The following RBFOX1 variants were observed in gnomAD, a reference collection of about 807,000 sequenced individuals.
The protein encoded by RBFOX1 is RNA binding protein fox-1 homolog 1.
Under a neutral mutation model 57.7 loss-of-function variants are expected in RBFOX1, and 8 were observed. That is an observed-to-expected ratio of 0.14 (90% confidence interval 0.08 to 0.25). The LOEUF (loss-of-function observed/expected upper bound fraction) is 0.25, where lower values mean the gene tolerates loss of function less well. RBFOX1 is among the 10% of genes least tolerant of loss of function. The probability of loss-of-function intolerance (pLI) is 1.00; values close to 1 mark genes in which losing one functional copy is unlikely to be tolerated. For synonymous variants in RBFOX1, 326 were observed against 222.4 expected (o/e 1.47, Z -4.15); for missense variants, 611 against 548.5 (o/e 1.11, Z -1.14).
chr16:6,126,179 A>G (rs575422781), intron 1 of RBFOX1, among the ~76,000 whole-genome samples: 2 of 152,200 alleles, frequency 1.3e-5, no homozygotes, highest in African/African-American at 2.4e-5. Context: ...AATGTAATGG[A>G]GAATTACACC....
At chr16:6,610,401 C>G (rs985837469) in intron 2 of RBFOX1, among the ~76,000 whole-genome samples, 12 of 152,086 alleles carry the variant, frequency 7.9e-5, no homozygotes, top group African/African-American at 2.9e-4. Flanking sequence ...AATCATGGCT[C>G]ACTGCAGCAT....
chr16:5,993,391 G>C lies in RBFOX1; in HGVS notation c.351+126056G>C, dbSNP rs12933248. Reference sequence around the variant, plus strand: ...TGTGTGTGTGTGTGTGTGTGAGAGAGAGAGAGACAGAGAGAGAGAGAGAGA... The same window carrying C: ...TGTGTGTGTGTGTGTGTGTGAGAGACAGAGAGACAGAGAGAGAGAGAGAGA... On this transcript the variant is annotated intron_variant, in intron 4 of 19. Coordinates refer to the RBFOX1 transcript ENST00000641259. 3.9e-3 allele frequency among the ~76,000 whole-genome samples: 526 copies of C among 133,898 alleles called. 5 individuals carry two copies. Among genetic ancestry groups the C allele is most frequent in the African/African-American group, 0.013 (497 of 38,312 alleles). The allele number at this position is 133,898 out of a possible 152,430, so 87.8% of individuals were successfully genotyped here. A position where few individuals can be genotyped will look rare whatever the true frequency, so the allele number is the denominator to read the frequency against.
rs143262837 is a variant in RBFOX1, at chr16:5,613,318, C to A, written c.318+14357C>A. On this transcript the variant is annotated intron_variant, in intron 3 of 19. Coordinates refer to the RBFOX1 transcript ENST00000641259. ...GCATTTGCACAGTTGAGGGTGGGTTCCCCAATATAAGCCTACCAGGTTCTT... is the reference window on the plus strand; with the variant it reads ...GCATTTGCACAGTTGAGGGTGGGTTACCCAATATAAGCCTACCAGGTTCTT... Among the ~76,000 whole-genome samples the A allele has an allele frequency of 5.5e-3, 834 of 152,270 alleles. 4 individuals carry two copies. Among genetic ancestry groups the A allele is most frequent in the Non-Finnish European group, 7.5e-3 (510 of 68,020 alleles).
rs144023705 is a variant in RBFOX1, at chr16:7,409,113, C to G, written c.28-109034C>G. ...GATAACCCTGAGCTGCGCTGTCGCT[C>G]TAAGCCAGATCAGCAGAATCCGGCC... On this transcript the variant is annotated intron_variant, in intron 4 of 15. Transcript: ENST00000550418. Among the ~76,000 whole-genome samples, 812 of 152,314 alleles carry G rather than the reference C, an allele frequency of 5.3e-3. 5 individuals are homozygous for G. The highest frequency in any genetic ancestry group is 0.018 in the African/African-American group (766 of 41,560).
intron 1 of RBFOX1, among the ~76,000 whole-genome samples, chr16:5,357,917 A>G (rs1042900777): frequency 2.6e-5 from 4 of 152,366 alleles, no homozygotes; most frequent in African/African-American, 9.6e-5. Context: ...ACGATTAGGA[A>G]TACTAATAGT....
intron 3 of RBFOX1, among the ~76,000 whole-genome samples, chr16:7,010,256 A>G (rs527687453): frequency 1.4e-4 from 21 of 152,342 alleles, no homozygotes; most frequent in Admixed American, 3.9e-4. Context: ...CTAAATGGCA[A>G]ATTCTCCAGG....
intron 9 of RBFOX1, among the ~76,000 whole-genome samples, chr16:7,602,282 C>G (rs2095065392): frequency 6.6e-6 from 1 of 152,172 alleles, no homozygotes; most frequent in Non-Finnish European, 1.5e-5. Flanking sequence ...GATGTGGCCC[C>G]TTGAGTCCTG....
chr16:6,342,392 G>T (rs1567975362), intron 2 of RBFOX1, among the ~76,000 whole-genome samples: 1 of 152,136 alleles, frequency 6.6e-6, no homozygotes, highest in Non-Finnish European at 1.5e-5. Context: ...CCCATGTTTT[G>T]CCATGGCAAT....
chr16:6,350,152 G>A (rs1475541776), intron 2 of RBFOX1, among the ~76,000 whole-genome samples: 2 of 151,876 alleles, frequency 1.3e-5, no homozygotes, highest in Middle Eastern at 3.2e-3. Context: ...TGAAGAAATC[G>A]TAAAAAATAC....
chr16:6,118,253 T>C (rs965633403), intron 1 of RBFOX1, among the ~76,000 whole-genome samples: 4 of 152,246 alleles, frequency 2.6e-5, no homozygotes, highest in African/African-American at 7.2e-5. Flanking sequence ...CAATCCATTA[T>C]TCCACATTGT....
At chr16:7,481,074 A>G (rs1019501805) in intron 4 of RBFOX1, among the ~76,000 whole-genome samples, 1 of 151,992 alleles carries the variant, frequency 6.6e-6, no homozygotes, top group Non-Finnish European at 1.5e-5. Context: ...AGCTCTTCCT[A>G]TTGCTCCTTA....
In RBFOX1 at chr16:6,019,170, C is replaced by T. The variant is rs1246276263; in HGVS notation, c.-949C>T. The T allele has an allele frequency of 4.1e-6, 4 of 985,260 alleles. No homozygotes were observed. Among genetic ancestry groups the T allele is most frequent in the South Asian group, 4.7e-5 (1 of 21,258 alleles). 61.0% of individuals were successfully genotyped at this position (985,260 alleles called of 1,614,324 possible). On this transcript the variant is annotated 5_prime_UTR_variant, in exon 1 of 16. Transcript: ENST00000550418. The surrounding 1 kb of genome is among the most constrained non-coding windows in gnomAD (Gnocchi z 4.2). ...GTTTATTTTCTAATCTATATTTTTA[C>T]TGGAAGATTTCCTCTTTATTCTCTC...
intron 4 of RBFOX1, among the ~76,000 whole-genome samples, chr16:7,473,484 T>G (rs2061983987): frequency 1.3e-5 from 2 of 148,240 alleles, no homozygotes; most frequent in African/African-American, 2.5e-5. Context: ...AATATATATG[T>G]ATATATGTTT....
At chr16:6,228,732 G>T (rs146402478) in intron 1 of RBFOX1, among the ~76,000 whole-genome samples, 2 of 152,188 alleles carry the variant, frequency 1.3e-5, no homozygotes, top group Non-Finnish European at 1.5e-5. Context: ...GAGATCTATT[G>T]TACAATATGG....
intron 2 of RBFOX1, among the ~76,000 whole-genome samples, chr16:5,549,700 A>G (rs1428818253): frequency 6.6e-6 from 1 of 152,208 alleles, no homozygotes; most frequent in Non-Finnish European, 1.5e-5. Flanking sequence ...AAATCATAGC[A>G]TGGTTTTACA....
At position 5,405,351 on chromosome 16, in the gene RBFOX1, A is replaced by T. The variant is rs147463157; in HGVS notation, c.220-61865A>T. On this transcript the variant is annotated intron_variant, in intron 1 of 2. Transcript: ENST00000585867. ...ACTGGGTCTTTCTCATGCTGTTCTC[A>T]TGATAGTAAGTCTCATGTGATCCGA... 1.5e-3 allele frequency among the ~76,000 whole-genome samples: 221 copies of T among 152,330 alleles called. 3 individuals are homozygous for T. The highest frequency in any genetic ancestry group is 4.9e-3 in the African/African-American group (205 of 41,566).
intron 4 of RBFOX1, among the ~76,000 whole-genome samples, chr16:6,005,060 G>A (rs921552252): frequency 1.3e-5 from 2 of 152,160 alleles, no homozygotes; most frequent in African/African-American, 4.8e-5. Flanking sequence ...TAATGGGAGT[G>A]TAAATATTTC....
chr16:6,684,714 T>C (rs1006363810), intron 3 of RBFOX1, among the ~76,000 whole-genome samples: 5 of 152,176 alleles, frequency 3.3e-5, no homozygotes, highest in African/African-American at 1.2e-4. Context: ...CCTTAAATTG[T>C]GCATGAGGGC....
In RBFOX1 at chr16:7,128,368, G is replaced by A. The variant is rs573648155; in HGVS notation, c.27+76270G>A. On this transcript the variant is annotated intron_variant, in intron 4 of 15. Coordinates refer to ENST00000550418, the MANE Select transcript of RBFOX1 (RefSeq NM_018723.4). ...AGTTCTGTCACTTAGCTATTGCTGT[G>A]TAATGAGCTAGTCCAAAGCCTAGTG... 3.7e-3 allele frequency among the ~76,000 whole-genome samples: 529 copies of A among 141,928 alleles called. 1 individual carries two copies. Among genetic ancestry groups the A allele is most frequent in the Middle Eastern group, 0.014 (4 of 276 alleles). The allele number at this position is 141,928 out of a possible 152,430, so 93.1% of individuals were successfully genotyped here. A position where few individuals can be genotyped will look rare whatever the true frequency, so the allele number is the denominator to read the frequency against.
Sources: allele counts gnomAD v4.1 joint callset (sites outside exome capture counted in the v4.1 genomes callset), GRCh38; gene constraint gnomAD v4.1.1; non-coding constraint Gnocchi (gnomAD v3.1); transcripts MANE v1.5; gene names NCBI Gene and HGNC (gene_info 2026-07-23, HGNC 2026-07-21).